Variants in DCC observed in about 807,000 individuals in gnomAD.
DCC encodes the protein DCC netrin 1 receptor, also known as netrin receptor DCC.
A neutral mutation model predicts 172.5 loss-of-function variants in DCC; 58 were observed. The ratio of observed to expected loss-of-function variants is 0.34; its 90% CI spans 0.27 to 0.42. The LOEUF is 0.42. Ranked by LOEUF, DCC falls within the 10% of genes least tolerant of loss-of-function variation. The pLI is 1.00. For missense variants in DCC, 1,740 were observed against 1,791.0 expected (o/e 0.97, Z 0.51); for synonymous variants, 709 against 644.5 (o/e 1.10, Z -1.52).
At chr18:52,706,068 C>T (rs1229079388) in intron 1 of DCC, among the ~76,000 whole-genome samples, 4 of 152,064 alleles carry the variant, frequency 2.6e-5, no homozygotes, top group Non-Finnish European at 5.9e-5. Context: ...GATTAGGCCA[C>T]AATGGAAATC....
chr18:52,448,547 G>A (rs190605560), intron 1 of DCC, among the ~76,000 whole-genome samples: 10 of 152,202 alleles, frequency 6.6e-5, no homozygotes, highest in East Asian at 3.9e-4. Flanking sequence ...CTTTTGAGAC[G>A]AGAAGTTTTC....
intron 14 of DCC, among the ~76,000 whole-genome samples, chr18:53,329,111 A>C (rs139205152): frequency 0.011 from 1,670 of 152,286 alleles, 23 homozygotes; most frequent in Non-Finnish European, 0.014. Flanking sequence ...TTGTGGAATT[A>C]GGCAGTTTTT....
At chr18:53,098,753 T>C (rs1258334876) in intron 7 of DCC, among the ~76,000 whole-genome samples, 1 of 152,168 alleles carries the variant, frequency 6.6e-6, no homozygotes, top group Non-Finnish European at 1.5e-5. Context: ...ACACATGTAA[T>C]CCAATCACTT....
At chr18:52,674,167 G>A (rs528046006) in intron 1 of DCC, among the ~76,000 whole-genome samples, 1 of 152,284 alleles carries the variant, frequency 6.6e-6, no homozygotes, top group African/African-American at 2.4e-5. Context: ...AACTTATAGT[G>A]AAGATATTTA....
chr18:52,832,773 T>C lies in DCC; in HGVS notation c.413-73271T>C, dbSNP rs2038639558. On this transcript the variant is annotated intron_variant, in intron 2 of 28. Coordinates refer to ENST00000442544, the MANE Select transcript of DCC (RefSeq NM_005215.4). ...GGCCATTGACTTTGCAAACAGAATG[T>C]AGCTATGGACCAAGTGGCACATGTT... Among the ~76,000 whole-genome samples, 8 of 152,178 alleles carry C rather than the reference T, an allele frequency of 5.3e-5. No homozygotes were observed. In the South Asian group the frequency reaches 1.7e-3, roughly 31 times the overall value.
At chr18:52,715,472 T>A (rs1251412025) in intron 1 of DCC, among the ~76,000 whole-genome samples, 2 of 151,940 alleles carry the variant, frequency 1.3e-5, no homozygotes, top group Admixed American at 6.6e-5. Context: ...GCTAATTTTT[T>A]AAATATATTT....
At chr18:52,899,816 G>A (rs112230467) in intron 2 of DCC, among the ~76,000 whole-genome samples, 2,496 of 152,168 alleles carry the variant, frequency 0.016, 60 homozygotes, top group African/African-American at 0.054. Flanking sequence ...AATTCTTTAT[G>A]CTTTCCTAGT....
intron 2 of DCC, among the ~76,000 whole-genome samples, chr18:52,773,842 A>ATT (rs1228136961): frequency 6.6e-6 from 1 of 151,558 alleles, no homozygotes; most frequent in African/African-American, 2.4e-5. Context: ...ATATATATAT[A>ATT]TTTTTTAAAG....
chr18:53,115,916 G>A (rs1243133104), intron 7 of DCC, among the ~76,000 whole-genome samples: 1 of 151,414 alleles, frequency 6.6e-6, no homozygotes, highest in Non-Finnish European at 1.5e-5. Flanking sequence ...ATAATCTCGA[G>A]AATATATGCA....
At position 52,561,332 on chromosome 18, in the gene DCC, AATAG is replaced by A. The variant is rs1396954385; in HGVS notation, c.92-190718_92-190715del. 2.0e-5 allele frequency among the ~76,000 whole-genome samples: 3 copies of A among 151,772 alleles called. No homozygotes were observed. The East Asian group carries it at 5.8e-4, about 29-fold the overall frequency. ...GGCAGAGATCAATATGTGTATATAT[AATAG>A]ATATTTAAATACACATGTATAAATA... On this transcript the variant is annotated intron_variant, in intron 1 of 28. Coordinates refer to ENST00000442544, the MANE Select transcript of DCC (RefSeq NM_005215.4).
intron 16 of DCC, among the ~76,000 whole-genome samples, chr18:53,389,958 G>T (rs900071902): frequency 3.9e-5 from 6 of 152,184 alleles, no homozygotes; most frequent in Non-Finnish European, 8.8e-5. Flanking sequence ...AGAGGAGTTT[G>T]TAAATTAGAA....
chr18:53,442,319 G>A (rs950368592), intron 22 of DCC, among the ~76,000 whole-genome samples: 8 of 152,060 alleles, frequency 5.3e-5, no homozygotes, highest in African/African-American at 1.9e-4. Context: ...TGACATTTTG[G>A]TAATTTTTCT....
chr18:53,227,689 C>G (rs1034723737), intron 12 of DCC, among the ~76,000 whole-genome samples: 2 of 152,162 alleles, frequency 1.3e-5, no homozygotes, highest in Non-Finnish European at 1.5e-5. Context: ...TGTATCTAAT[C>G]TTAATGCAAC....
chr18:52,709,072 A>G (rs1017396697), intron 1 of DCC, among the ~76,000 whole-genome samples: 2 of 152,112 alleles, frequency 1.3e-5, no homozygotes, highest in East Asian at 1.9e-4. Context: ...ATCTTTCACA[A>G]CAACCCCTGC....
chr18:52,454,194 A>C (rs1180692671), intron 1 of DCC, among the ~76,000 whole-genome samples: 1 of 152,194 alleles, frequency 6.6e-6, no homozygotes, highest in African/African-American at 2.4e-5. Flanking sequence ...TACATATACA[A>C]TATCTTGGAA....
intron 5 of DCC, among the ~76,000 whole-genome samples, chr18:52,943,904 G>A (rs574809324): frequency 6.6e-6 from 1 of 151,946 alleles, no homozygotes; most frequent in African/African-American, 2.4e-5. Context: ...TGCCTGCCAC[G>A]ACAACCGGCT....
chr18:52,815,677 A>G (rs2038282925), intron 2 of DCC, among the ~76,000 whole-genome samples: 1 of 152,212 alleles, frequency 6.6e-6, no homozygotes. Flanking sequence ...CATGTTTACA[A>G]AACAAAATAA....
At chr18:53,168,347 A>G (rs1048820028) in intron 8 of DCC, among the ~76,000 whole-genome samples, 7 of 152,098 alleles carry the variant, frequency 4.6e-5, no homozygotes, top group African/African-American at 1.2e-4. Context: ...GGAAAAAGAA[A>G]ATGTGGCACA....
chr18:52,478,280 T>A, intron 1 of DCC, among the ~76,000 whole-genome samples: 1 of 152,192 alleles, frequency 6.6e-6, no homozygotes, highest in East Asian at 1.9e-4. Context: ...TCTTTCTTCC[T>A]CTCATATCAA....
Sources: gnomAD v4.1 joint callset for allele counts (sites outside exome capture counted in the v4.1 genomes callset) on GRCh38, gnomAD v4.1.1 for gene constraint, MANE v1.5 for transcripts, NCBI Gene and HGNC (gene_info 2026-07-23, HGNC 2026-07-21) for gene names.